The following RCC2 variants were observed in gnomAD, a reference collection of about 807,000 sequenced individuals.
RCC2 encodes protein RCC2.
RCC2 carries 19 observed loss-of-function variants against 64.1 expected under a neutral mutation model. That is an observed-to-expected ratio of 0.30 (90% confidence interval 0.21 to 0.44). The LOEUF (loss-of-function observed/expected upper bound fraction) is 0.44. RCC2 is among the 20% of genes least tolerant of loss of function. RCC2 has a pLI of 1.00. For missense variants in RCC2, 508 were observed against 710.4 expected (o/e 0.72, Z 3.24); for synonymous variants, 325 against 279.6 (o/e 1.16, Z -1.62).
intron 4 of RCC2, among the ~76,000 whole-genome samples, chr1:17,424,531 CTATAAAG>C (rs1459269329): frequency 1.3e-5 from 2 of 152,294 alleles, no homozygotes; most frequent in East Asian, 3.9e-4. Flanking sequence ...CATCAAGAGA[CTATAAAG>C]TATAAATTTG....
intron 2 of RCC2, among the ~76,000 whole-genome samples, chr1:17,433,021 T>TAC (rs543984379): frequency 1.2e-3 from 185 of 151,618 alleles, no homozygotes; most frequent in African/African-American, 2.3e-3. Context: ...CACATATATA[T>TAC]ACACACACAC....
chr1:17,423,927 G>T (rs763134678), intron 4 of RCC2, among the ~76,000 whole-genome samples: 32 of 152,362 alleles, frequency 2.1e-4, no homozygotes, highest in Non-Finnish European at 4.0e-4. Context: ...GAATTGCGAC[G>T]AAGGGAAACC....
chr1:17,416,473 G>C lies in RCC2; in HGVS notation c.1026+7C>G, dbSNP rs1403233586. 3.1e-6 allele frequency: 5 copies of C among 1,603,024 alleles called. No individual in the cohort carries two copies. On this transcript the variant is annotated splice_region_variant and intron_variant, in intron 8 of 12. Transcript: ENST00000375436. ...ACTCTCAGGAAGTGAGAAAAGCCGAGCCTCACCGTGTGGTTAGCGCCACAG... is the reference window on the plus strand; with the variant it reads ...ACTCTCAGGAAGTGAGAAAAGCCGACCCTCACCGTGTGGTTAGCGCCACAG...
chr1:17,412,537 C>A (rs926722803), intron 10 of RCC2, among the ~76,000 whole-genome samples: 4 of 152,334 alleles, frequency 2.6e-5, no homozygotes, highest in African/African-American at 9.6e-5. Context: ...AGGGAGCAGC[C>A]TTCATGCATA....
intron 7 of RCC2, among the ~76,000 whole-genome samples, chr1:17,418,053 G>A (rs1224661368): frequency 2.0e-5 from 3 of 151,964 alleles, no homozygotes; most frequent in African/African-American, 7.3e-5. Context: ...TAAGGTACTT[G>A]AGCATCTTAA....
intron 11 of RCC2, among the ~76,000 whole-genome samples, chr1:17,411,703 G>A (rs2075428600): frequency 1.3e-5 from 2 of 152,118 alleles, no homozygotes; most frequent in Non-Finnish European, 2.9e-5. Context: ...TCAAGTAACT[G>A]GTATTAACAA....
Position 17,425,587 on chromosome 1 carries a change from A to G in RCC2, c.477T>C (p.Ala159=), listed in dbSNP as rs779794405. The change falls in exon 4 of 13, where the codon GCT becomes GCC. Residue 159 remains alanine, a synonymous_variant. Coordinates refer to ENST00000375436, the MANE Select transcript of RCC2 (RefSeq NM_018715.4). ...CCGTGGTGATGAGGAGGCTGTGTGC[A>G]GCACACGAGCCCGAGACCACTGTCC... is the stretch of plus-strand genomic sequence containing the variant. ...RVRTVVSGSC[A]AHSLLITTEG... The G allele has an allele frequency of 6.2e-7, 1 of 1,614,082 alleles. No homozygotes were observed. Among genetic ancestry groups the G allele is most frequent in the South Asian group, 1.1e-5 (1 of 91,072 alleles).
chr1:17,412,230 G>A, intron 10 of RCC2, 36 bp from the exon 11 acceptor site: 1 of 1,601,748 alleles, frequency 6.2e-7, no homozygotes. Context: ...AGGGCCAGCA[G>A]CCCCAGACCT....
At chr1:17,427,618 G>C (rs558356423) in intron 3 of RCC2, among the ~76,000 whole-genome samples, 1 of 152,136 alleles carries the variant, frequency 6.6e-6, no homozygotes, top group Non-Finnish European at 1.5e-5. Context: ...ACCCTGTGCC[G>C]CAACACAGGA....
chr1:17,416,385 A>C (rs2075485239), intron 8 of RCC2, 95 bp downstream of exon 8: 13 of 1,353,048 alleles, frequency 9.6e-6, no homozygotes, highest in Non-Finnish European at 1.3e-5. Context: ...ACCTGGGATC[A>C]GTTCCTAGCC....
At chr1:17,418,955 G>A (rs1021351424) in intron 7 of RCC2, among the ~76,000 whole-genome samples, 40 of 152,168 alleles carry the variant, frequency 2.6e-4, no homozygotes, top group Non-Finnish European at 1.9e-4. Context: ...TTAAAGAGCT[G>A]CACACATCTG....
chr1:17,416,258 G>T (rs1226370828), intron 8 of RCC2, among the ~76,000 whole-genome samples: 1 of 152,116 alleles, frequency 6.6e-6, no homozygotes, highest in Non-Finnish European at 1.5e-5. Context: ...TTTAAGATGT[G>T]TCTATTTAAA....
chr1:17,434,861 G>T (rs1570211285), intron 2 of RCC2, among the ~76,000 whole-genome samples: 1 of 152,166 alleles, frequency 6.6e-6, no homozygotes. Context: ...GCCTGTAATC[G>T]CAGCACTTTG....
chr1:17,416,702 AGT>A, intron 7 of RCC2, 56 bp from the exon 8 acceptor site: 2 of 1,553,190 alleles, frequency 1.3e-6, no homozygotes, highest in Non-Finnish European at 1.7e-6. Flanking sequence ...GGGACGTGTC[AGT>A]GTGCTCACAC....
At chr1:17,420,406 T>C (rs1162076187) in intron 7 of RCC2, among the ~76,000 whole-genome samples, 1 of 152,214 alleles carries the variant, frequency 6.6e-6, no homozygotes, top group Non-Finnish European at 1.5e-5. Flanking sequence ...TGAAATTGAA[T>C]GAAGGTGGTC....
At chr1:17,434,401 G>A (rs1225250766) in intron 2 of RCC2, among the ~76,000 whole-genome samples, 2 of 152,216 alleles carry the variant, frequency 1.3e-5, no homozygotes, top group Non-Finnish European at 2.9e-5. Context: ...AGAGCTTGTG[G>A]AGAGCTGAAC....
rs1330275920 is a variant in RCC2, at chr1:17,408,958, G to C, written c.*132C>G. On this transcript the variant is annotated 3_prime_UTR_variant, in exon 13 of 13. Coordinates refer to ENST00000375436, the MANE Select transcript of RCC2 (RefSeq NM_018715.4). ...GGATCATGTGTAAAACGGAACCTCA[G>C]GGAGTCTAAACAAAAATGCACCTTC... is the stretch of plus-strand genomic sequence containing the variant. 1.4e-6 allele frequency: 1 copy of C among 723,734 alleles called. No individual in the cohort carries two copies. The highest frequency in any genetic ancestry group is 2.5e-6 in the Non-Finnish European group (1 of 397,782). The allele number at this position is 723,734 out of a possible 1,614,324, so 44.8% of individuals were successfully genotyped here.
chr1:17,425,705 C>T (rs537347985), intron 3 of RCC2, 21 bp from the exon 4 acceptor site: 1 of 1,591,856 alleles, frequency 6.3e-7, no homozygotes, highest in Non-Finnish European at 8.6e-7. Flanking sequence ...AATGAGAATG[C>T]AGATCAGACA....
intron 8 of RCC2, among the ~76,000 whole-genome samples, chr1:17,415,165 C>T (rs1027947210): frequency 6.6e-6 from 1 of 152,218 alleles, no homozygotes; most frequent in African/African-American, 2.4e-5. Flanking sequence ...CCCCTGACTA[C>T]ATCAGACAAA....
Sources: allele counts gnomAD v4.1 joint callset (sites outside exome capture counted in the v4.1 genomes callset), GRCh38; gene constraint gnomAD v4.1.1; transcripts MANE v1.5; gene names NCBI Gene and HGNC (gene_info 2026-07-23, HGNC 2026-07-21).